Variants in CALCR observed in about 807,000 individuals in gnomAD.
CALCR encodes calcitonin receptor.
CALCR carries 47 observed loss-of-function variants against 59.5 expected under a neutral mutation model. That is an observed-to-expected ratio of 0.79 (90% CI 0.63 to 1.01). The LOEUF (loss-of-function observed/expected upper bound fraction) is 1.01. Among genes scored for constraint, CALCR ranks in the 50% least tolerant of loss-of-function variants. The pLI, the probability that CALCR is intolerant of heterozygous loss-of-function variation, is 0.00. For synonymous variants in CALCR, 213 were observed against 211.3 expected (o/e 1.01, Z -0.07); for missense variants, 566 against 597.1 (o/e 0.95, Z 0.54).
intron 8 of CALCR, among the ~76,000 whole-genome samples, chr7:93,444,249 G>A (rs1175552310): frequency 1.3e-5 from 2 of 152,082 alleles, no homozygotes; most frequent in Non-Finnish European, 2.9e-5. Context: ...GATACGCTGA[G>A]CCTAGCTGCT....
At chr7:93,449,429 G>T (rs1477640435) in intron 8 of CALCR, among the ~76,000 whole-genome samples, 1 of 151,940 alleles carries the variant, frequency 6.6e-6, no homozygotes, top group African/African-American at 2.4e-5. Flanking sequence ...TGTATATCTA[G>T]ACTACATATT....
intron 2 of CALCR, among the ~76,000 whole-genome samples, chr7:93,571,843 T>C (rs949876576): frequency 1.3e-5 from 2 of 152,156 alleles, no homozygotes; most frequent in Non-Finnish European, 2.9e-5. Context: ...ATATTTTTTG[T>C]AAAAGTACTA....
At chr7:93,519,644 T>TA (rs1395624285) in intron 2 of CALCR, among the ~76,000 whole-genome samples, 1 of 152,108 alleles carries the variant, frequency 6.6e-6, no homozygotes, top group African/African-American at 2.4e-5. Flanking sequence ...TAGTCTGTGA[T>TA]ATGGTTAGGC....
intron 2 of CALCR, among the ~76,000 whole-genome samples, chr7:93,544,207 G>T (rs901026330): frequency 1.3e-5 from 2 of 150,406 alleles, no homozygotes; most frequent in Non-Finnish European, 3.0e-5. Context: ...ATGAATAAAA[G>T]AAAAACAAAA....
intron 3 of CALCR, 72 bp downstream of exon 3, chr7:93,486,859 T>C: frequency 1.0e-6 from 1 of 953,006 alleles, no homozygotes; most frequent in Middle Eastern, 2.1e-4. Flanking sequence ...ACTAATTAAA[T>C]CACACTCAAA....
chr7:93,497,143 G>A (rs1040390354), intron 2 of CALCR, among the ~76,000 whole-genome samples: 1 of 151,520 alleles, frequency 6.6e-6, no homozygotes, highest in African/African-American at 2.4e-5. Flanking sequence ...TGGGTAAACA[G>A]TGTGACACAC....
intron 2 of CALCR, among the ~76,000 whole-genome samples, chr7:93,550,462 T>C (rs979911615): frequency 2.0e-4 from 22 of 112,502 alleles, no homozygotes; most frequent in Non-Finnish European, 3.0e-4. Context: ...CACTCCAGCC[T>C]GGGCAACAAG....
rs569389024 is a variant in CALCR at position 93,499,318 on chromosome 7, T to G, written c.-26-12311A>C. Among the ~76,000 whole-genome samples, 4 of 151,902 alleles carry G rather than the reference T, an allele frequency of 2.6e-5. No homozygotes were observed. The South Asian group carries it at 8.3e-4, about 31-fold the overall frequency. On this transcript the variant is annotated intron_variant, in intron 2 of 13. Coordinates refer to ENST00000426151, the MANE Select transcript of CALCR (RefSeq NM_001742.4). ...ATGAGCAGTCCACTGGAACAAAGTT[T>G]GTGAAATGTGAAATACCACGTGCTC...
At chr7:93,465,003 G>A (rs1800410808) in intron 7 of CALCR, among the ~76,000 whole-genome samples, 3 of 151,832 alleles carry the variant, frequency 2.0e-5, no homozygotes, top group Admixed American at 1.3e-4. Context: ...TGTCAATGTG[G>A]CCAATGTAAC....
chr7:93,429,936 T>G lies in CALCR; in HGVS notation c.1192-3347A>C, dbSNP rs1178896244. ...ACGGTTTTTTTTTTTGTTTGTTTGT[T>G]TTTTTGTTTTTTTTTGAGACAGAGT... On this transcript the variant is annotated intron_variant, in intron 13 of 13. Transcript: ENST00000426151. 6.9e-4 allele frequency among the ~76,000 whole-genome samples: 74 copies of G among 107,832 alleles called. 1 individual carries two copies. Among genetic ancestry groups the G allele is most frequent in the Non-Finnish European group, 1.2e-3 (63 of 52,314 alleles). 70.7% of individuals were successfully genotyped at this position (107,832 alleles called of 152,430 possible). A position where few individuals can be genotyped will look rare whatever the true frequency, so the allele number is the denominator to read the frequency against.
chr7:93,430,480 T>G (rs879361227), intron 13 of CALCR, among the ~76,000 whole-genome samples: 7 of 152,240 alleles, frequency 4.6e-5, no homozygotes, highest in Non-Finnish European at 1.0e-4. Flanking sequence ...ATTATCTCTT[T>G]TCTTATGTTT....
At chr7:93,518,563 G>A (rs1403441461) in intron 2 of CALCR, among the ~76,000 whole-genome samples, 2 of 151,820 alleles carry the variant, frequency 1.3e-5, no homozygotes, top group Non-Finnish European at 2.9e-5. Flanking sequence ...TTATTGGTGG[G>A]AGCATAGGGA....
chr7:93,562,342 T>C (rs1050704977), intron 2 of CALCR, among the ~76,000 whole-genome samples: 3 of 152,010 alleles, frequency 2.0e-5, no homozygotes, highest in Non-Finnish European at 4.4e-5. Context: ...GCAAAACATA[T>C]GCGTGATTTT....
chr7:93,520,053 G>A (rs996469819), intron 2 of CALCR, among the ~76,000 whole-genome samples: 7 of 151,860 alleles, frequency 4.6e-5, no homozygotes, highest in Non-Finnish European at 8.8e-5. Context: ...CATAAATATA[G>A]AATAAATTGC....
intron 2 of CALCR, among the ~76,000 whole-genome samples, chr7:93,501,864 C>T (rs769951713): frequency 6.6e-6 from 1 of 152,118 alleles, no homozygotes; most frequent in Non-Finnish European, 1.5e-5. Context: ...TTGACTCTAA[C>T]TTAAGTTCAC....
chr7:93,560,419 G>A (rs1000557083), intron 2 of CALCR, among the ~76,000 whole-genome samples: 1 of 151,966 alleles, frequency 6.6e-6, no homozygotes, highest in African/African-American at 2.4e-5. Flanking sequence ...CTGCTGGTAT[G>A]CACCTATTAT....
intron 2 of CALCR, among the ~76,000 whole-genome samples, chr7:93,544,109 G>A (rs2374659): frequency 0.38 from 57,786 of 151,594 alleles, 12,152 homozygotes; most frequent in Non-Finnish European, 0.48. Flanking sequence ...ACACTCTTCC[G>A]TTAAGAGATA....
At chr7:93,450,166 G>A (rs1800081662) in intron 8 of CALCR, among the ~76,000 whole-genome samples, 1 of 152,002 alleles carries the variant, frequency 6.6e-6, no homozygotes, top group African/African-American at 2.4e-5. Flanking sequence ...TTACTCAAGT[G>A]TTAAACAACT....
Position 93,438,215 on chromosome 7 carries a change from A to G in CALCR, c.858T>C (p.Asn286=). The G allele has an allele frequency of 6.2e-7, 1 of 1,613,228 alleles. No homozygotes were observed. Among genetic ancestry groups the G allele is most frequent in the Non-Finnish European group, 8.5e-7 (1 of 1,179,206 alleles). The change falls in exon 10 of 14, where the codon AAT becomes AAC. Residue 286 remains asparagine, a synonymous_variant. Transcript: ENST00000426151. ...IHAITRAVYF[N]DNCWLSVETH... ...AACATCACCATAATACTTACTTGTC[A>G]TTGAAGTACACGGCCCTGGTAATAG... is the stretch of plus-strand genomic sequence containing the variant.
Sources: gnomAD v4.1 joint callset for allele counts (sites outside exome capture counted in the v4.1 genomes callset) on GRCh38, gnomAD v4.1.1 for gene constraint, MANE v1.5 for transcripts, NCBI Gene and HGNC (gene_info 2026-07-23, HGNC 2026-07-21) for gene names.